JARID2: variants seen among roughly 807,000 people sequenced by gnomAD.
JARID2 encodes the protein protein Jumonji.
Under a neutral mutation model 125.6 loss-of-function variants are expected in JARID2, and 21 were observed. The ratio of observed to expected loss-of-function variants is 0.17; its 90% CI spans 0.12 to 0.24. The LOEUF is 0.24. Ranked by LOEUF, JARID2 falls within the 10% of genes least tolerant of loss-of-function variation. The pLI is 1.00. For missense variants in JARID2, 1,303 were observed against 1,639.6 expected, an observed-to-expected ratio of 0.79 and a Z score of 3.55; for synonymous variants, 736 against 661.6, an observed-to-expected ratio of 1.11 and a Z score of -1.73.
chr6:15,257,805 T>C (rs143369662), intron 1 of JARID2, among the ~76,000 whole-genome samples: 1 of 152,306 alleles, frequency 6.6e-6, no homozygotes, highest in East Asian at 1.9e-4. Flanking sequence ...GTAGTAAAGA[T>C]GTCAGTTGAG....
chr6:15,514,905 T>A (rs958966052), intron 16 of JARID2, among the ~76,000 whole-genome samples: 1 of 152,146 alleles, frequency 6.6e-6, no homozygotes, highest in African/African-American at 2.4e-5. Flanking sequence ...TCTGGTTTTT[T>A]CCCCCAGACT....
intron 1 of JARID2, among the ~76,000 whole-genome samples, chr6:15,338,096 A>G (rs1012483327): frequency 4.6e-5 from 7 of 152,176 alleles, no homozygotes; most frequent in Non-Finnish European, 1.0e-4. Context: ...AGGGCAGTTA[A>G]TTCCTATTCT....
intron 17 of JARID2, among the ~76,000 whole-genome samples, chr6:15,517,551 CA>C (rs1441288976): frequency 1.3e-5 from 2 of 152,242 alleles, no homozygotes; most frequent in African/African-American, 4.8e-5. Flanking sequence ...AGGGCTGCAC[CA>C]CTGTGGTTTA....
rs57893770 is a variant in JARID2, at chr6:15,366,963, TA to T, written c.46-7145del. 7.7e-3 allele frequency among the ~76,000 whole-genome samples: 1,161 copies of T among 151,354 alleles called. 16 individuals are homozygous for T. Among genetic ancestry groups the T allele is most frequent in the African/African-American group, 0.026 (1,068 of 41,322 alleles). ...CTTTATTTCTTTTTGGAGATATGGT[TA>T]AAAAAAAAGTCTTTGTGTCATTGTA... is the stretch of plus-strand genomic sequence containing the variant. On this transcript the variant is annotated intron_variant, in intron 1 of 17. Transcript: ENST00000341776.
chr6:15,347,809 C>T (rs1430732614), intron 1 of JARID2, among the ~76,000 whole-genome samples: 1 of 152,138 alleles, frequency 6.6e-6, no homozygotes, highest in Non-Finnish European at 1.5e-5. Context: ...CCTCTTCCTC[C>T]AGGCCTCAAG....
Position 15,497,135 on chromosome 6 carries a change from C to T in JARID2, c.1910C>T (p.Ser637Phe). Reference protein sequence around the residue: ...RLACIKKHLKSQGITMDELPL... With the variant: ...RLACIKKHLKFQGITMDELPL... ...GCCTGCATCAAGAAGCACCTCAAAT[C>T]TCAGGGCATCACCATGGACGAGCTC... Residue 637 changes from serine (S) to phenylalanine (F), a missense_variant, in exon 7 of 18, where the codon TCT becomes TTT. Coordinates refer to ENST00000341776, the MANE Select transcript of JARID2 (RefSeq NM_004973.4). 6.4e-7 allele frequency: 1 copy of T among 1,557,180 alleles called. No homozygotes were observed. Among genetic ancestry groups the T allele is most frequent in the Non-Finnish European group, 8.7e-7 (1 of 1,150,696 alleles).
At chr6:15,416,436 G>A (rs1766216255) in intron 3 of JARID2, among the ~76,000 whole-genome samples, 1 of 152,296 alleles carries the variant, frequency 6.6e-6, no homozygotes, top group East Asian at 1.9e-4. Flanking sequence ...CTGCAATCCC[G>A]GCACCTCGGG....
intron 2 of JARID2, among the ~76,000 whole-genome samples, chr6:15,403,684 T>G (rs1235615212): frequency 6.6e-6 from 1 of 152,182 alleles, no homozygotes; most frequent in Admixed American, 6.5e-5. Context: ...TCTAACGCTT[T>G]CTCAAAAAAT....
At chr6:15,390,051 G>A (rs116024673) in intron 2 of JARID2, among the ~76,000 whole-genome samples, 1,799 of 152,246 alleles carry the variant, frequency 0.012, 22 homozygotes, top group Non-Finnish European at 0.016. Context: ...TTCAACAGGT[G>A]TCCCACCTTC....
In JARID2 at chr6:15,496,587, G is replaced by A. The variant is rs544346196; in HGVS notation, c.1362G>A (p.Gln454=). 358 of 1,603,048 alleles carry A rather than the reference G, an allele frequency of 2.2e-4. 5 individuals are homozygous for A. In the South Asian group the frequency reaches 3.7e-3, roughly 17 times the overall value. ...LEEAHQAEKP[Q]SPPKKMKGAA... is the part of the protein sequence containing the mutation. ...AGGCACACCAGGCGGAGAAGCCGCA[G>A]TCGCCCCCCAAGAAGATGAAAGGGG... Residue 454 remains glutamine (Q), a synonymous_variant, in exon 7 of 18, where the codon CAG becomes CAA. Transcript: ENST00000341776.
chr6:15,416,613 G>T (rs1264969128), intron 3 of JARID2, among the ~76,000 whole-genome samples: 2 of 152,034 alleles, frequency 1.3e-5, no homozygotes, highest in Non-Finnish European at 2.9e-5. Context: ...AGGCAGGGAG[G>T]CTGCAGTGAG....
intron 1 of JARID2, among the ~76,000 whole-genome samples, chr6:15,269,923 C>T (rs1226422378): frequency 6.6e-6 from 1 of 152,194 alleles, no homozygotes; most frequent in Non-Finnish European, 1.5e-5. Flanking sequence ...GTTAGCTTCG[C>T]TGCAACCTTG....
At chr6:15,249,948 A>G (rs1407829909) in intron 1 of JARID2, among the ~76,000 whole-genome samples, 7 of 152,168 alleles carry the variant, frequency 4.6e-5, no homozygotes, top group Admixed American at 3.9e-4. Context: ...TGCTCTAGAG[A>G]TATTTTCTGC....
intron 3 of JARID2, among the ~76,000 whole-genome samples, chr6:15,451,364 A>G (rs1329294130): frequency 6.6e-6 from 1 of 152,220 alleles, no homozygotes; most frequent in African/African-American, 2.4e-5. Context: ...AAATAGTTGC[A>G]ATTTGACCTT....
chr6:15,486,105 C>T (rs1769853511), intron 5 of JARID2, among the ~76,000 whole-genome samples: 2 of 152,156 alleles, frequency 1.3e-5, no homozygotes, highest in African/African-American at 4.8e-5. Context: ...AGGATGATGG[C>T]TAAAAGATCA....
rs375479047 is a variant in JARID2, at chr6:15,487,534, C to T, written c.898C>T (p.Arg300Trp). The T allele has an allele frequency of 3.1e-6, 5 of 1,604,272 alleles. No individual in the cohort carries two copies. The highest frequency in any genetic ancestry group is 1.1e-5 in the South Asian group (1 of 90,528). ...PPLHRSAQDLRKQVSKVNGVT... is the reference protein window; with the variant it reads ...PPLHRSAQDLWKQVSKVNGVT... The stretch of plus-strand genomic sequence containing the variant: ...TCTGCATCGGTCGGCTCAGGACTTA[C>T]GGAAACAGGTAAAGTCCAGCAGGGG... The change falls in exon 6 of 18, where the codon CGG (arginine) becomes TGG (tryptophan). Residue 300 changes from arginine to tryptophan, a missense_variant. By Grantham distance (101) the Arg-to-Trp change is moderately radical (BLOSUM62 -3). Around this residue, in one of 11 missense-constraint regions of JARID2, gnomAD observed 651 missense variants for 581.6 expected, o/e 1.12. Transcript: ENST00000341776.
intron 1 of JARID2, chr6:15,368,705 AGAG>A (rs1384984692): frequency 6.0e-6 from 3 of 500,676 alleles, no homozygotes; most frequent in African/African-American, 3.9e-5. Context: ...TGATCACTGA[AGAG>A]GAGTCAAAGG....
At chr6:15,518,784 T>G (rs1228537216) in intron 17 of JARID2, among the ~76,000 whole-genome samples, 1 of 152,174 alleles carries the variant, frequency 6.6e-6, no homozygotes, top group African/African-American at 2.4e-5. Flanking sequence ...ACCTGGCCCA[T>G]TCTTTTAAAT....
intron 1 of JARID2, among the ~76,000 whole-genome samples, chr6:15,359,133 GCTTCAGGAGCT>G (rs1763703388): frequency 6.6e-6 from 1 of 152,234 alleles, no homozygotes; most frequent in African/African-American, 2.4e-5. Flanking sequence ...GAGAATCTTT[GCTTCAGGAGCT>G]CAAGGATTAT....
Sources: gnomAD v4.1 joint callset for allele counts (sites outside exome capture counted in the v4.1 genomes callset) on GRCh38, gnomAD v4.1.1 for gene constraint, gnomAD v4.1.1 regional missense constraint, MANE v1.5 for transcripts, NCBI Gene and HGNC (gene_info 2026-07-23, HGNC 2026-07-21) for gene names.